PLA2G6: variants seen among roughly 807,000 people sequenced by gnomAD.
PLA2G6 encodes the protein phospholipase A2 group VI.
Under a neutral mutation model 83.8 loss-of-function variants are expected in PLA2G6, and 62 were observed. That is an observed-to-expected ratio of 0.74 (90% CI 0.60 to 0.91). The LOEUF (loss-of-function observed/expected upper bound fraction) is 0.91. PLA2G6 is among the 40% of genes least tolerant of loss of function. The probability of loss-of-function intolerance (pLI) is 0.00; values close to 1 mark genes in which losing one functional copy is unlikely to be tolerated. For missense variants in PLA2G6, 944 were observed against 1,102.0 expected, an observed-to-expected ratio of 0.86 and a Z score of 2.03; for synonymous variants, 417 against 449.8, an observed-to-expected ratio of 0.93 and a Z score of 0.92.
chr22:38,124,773 G>A (rs1027527134), intron 10 of PLA2G6, among the ~76,000 whole-genome samples: 9 of 152,216 alleles, frequency 5.9e-5, no homozygotes, highest in African/African-American at 1.9e-4. Context: ...AATGGAGGAG[G>A]CCCGGGTCCC....
chr22:38,113,355 C>T (rs925913003), intron 15 of PLA2G6, 132 bp downstream of exon 15: 3 of 886,730 alleles, frequency 3.4e-6, no homozygotes, highest in South Asian at 2.8e-5. Context: ...TCTCTCCCTC[C>T]AGCTGGCTAA....
chr22:38,113,513 C>T lies in PLA2G6; in HGVS notation c.2176G>A (p.Glu726Lys). ...CAGTCCACCACCATCTTGCCCAGTT[C>T]CTTGGCCCCAAAAACAGTCTTGGCC... is the stretch of plus-strand genomic sequence containing the variant. ...ELAKTVFGAK[E>K]LGKMVVDCCT... The change falls in exon 15 of 17, where the codon GAA becomes AAA. Residue 726 changes from glutamate to lysine, a missense_variant. Glu to Lys is a moderately conservative substitution (Grantham distance 56). Transcript: ENST00000332509. 1 of 1,614,072 alleles carries T rather than the reference C, an allele frequency of 6.2e-7. No individual in the cohort carries two copies. Among genetic ancestry groups the T allele is most frequent in the Non-Finnish European group, 8.5e-7 (1 of 1,180,022 alleles).
At chr22:38,145,750 C>T in intron 2 of PLA2G6, 97 bp from the exon 3 acceptor site, 1 of 751,186 alleles carries the variant, frequency 1.3e-6, no homozygotes. Flanking sequence ...AGGCTGCGGC[C>T]TGGCCAGCTC....
intron 12 of PLA2G6, among the ~76,000 whole-genome samples, chr22:38,118,759 T>G (rs532132132): frequency 5.9e-5 from 9 of 151,828 alleles, no homozygotes; most frequent in Non-Finnish European, 8.8e-5. Context: ...TTTTGTTTTT[T>G]TTTTTTTGTC....
At chr22:38,177,603 C>G (rs1004897518) in intron 1 of PLA2G6, among the ~76,000 whole-genome samples, 4 of 151,882 alleles carry the variant, frequency 2.6e-5, no homozygotes, top group African/African-American at 9.7e-5. Flanking sequence ...GCTGGGATTA[C>G]AGGCGCGCAC....
chr22:38,125,188 G>A (rs754092113), intron 10 of PLA2G6, among the ~76,000 whole-genome samples: 1 of 151,946 alleles, frequency 6.6e-6, no homozygotes, highest in East Asian at 1.9e-4. Context: ...GTATGTGTGC[G>A]CATGTGTATG....
intron 12 of PLA2G6, among the ~76,000 whole-genome samples, chr22:38,117,494 C>T (rs1295625263): frequency 6.6e-6 from 1 of 151,954 alleles, no homozygotes; most frequent in Non-Finnish European, 1.5e-5. Flanking sequence ...TGCGCCTGGC[C>T]AAAAATCTTA....
At chr22:38,171,103 C>T (rs187010243) in intron 1 of PLA2G6, among the ~76,000 whole-genome samples, 1 of 145,564 alleles carries the variant, frequency 6.9e-6, no homozygotes, top group Non-Finnish European at 1.5e-5. Context: ...ACCTGGGAGG[C>T]GGAGGTTGCG....
At chr22:38,114,143 G>C (rs2087044586) in intron 14 of PLA2G6, among the ~76,000 whole-genome samples, 1 of 151,934 alleles carries the variant, frequency 6.6e-6, no homozygotes, top group African/African-American at 2.4e-5. Context: ...TGGTAGGGAA[G>C]TAGGGGCTAA....
intron 11 of PLA2G6, chr22:38,121,166 TC>T (rs1485450604): frequency 4.7e-6 from 2 of 429,740 alleles, no homozygotes; most frequent in Non-Finnish European, 8.7e-6. Flanking sequence ...TCACTTGAGG[TC>T]AGGAGTTTGA....
intron 12 of PLA2G6, 66 bp from the exon 13 acceptor site, chr22:38,116,277 A>C: frequency 1.3e-6 from 2 of 1,568,970 alleles, no homozygotes; most frequent in Non-Finnish European, 1.8e-6. Context: ...TTTCCCCACA[A>C]TTCACACCCC....
chr22:38,170,274 C>T (rs1310739987), intron 1 of PLA2G6, among the ~76,000 whole-genome samples: 1 of 151,792 alleles, frequency 6.6e-6, no homozygotes, highest in African/African-American at 2.4e-5. Context: ...CTCCTAGATA[C>T]CAAAAGGTGA....
chr22:38,176,365 C>T (rs1008842503), intron 1 of PLA2G6, among the ~76,000 whole-genome samples: 1 of 152,210 alleles, frequency 6.6e-6, no homozygotes, highest in African/African-American at 2.4e-5. Flanking sequence ...GCAGACCTCA[C>T]AGGCTTGGCC....
chr22:38,168,592 G>A (rs563593122), intron 2 of PLA2G6, among the ~76,000 whole-genome samples: 1 of 152,170 alleles, frequency 6.6e-6, no homozygotes, highest in African/African-American at 2.4e-5. Flanking sequence ...GCTCACGCCT[G>A]CAATCCCAGC....
intron 9 of PLA2G6, 65 bp from the exon 10 acceptor site, chr22:38,126,514 T>A: frequency 8.0e-7 from 1 of 1,243,034 alleles, no homozygotes; most frequent in Admixed American, 1.7e-5. Context: ...ACCCCAGAGG[T>A]CCCTAGATCA....
At chr22:38,140,640 T>A (rs11570658) in intron 4 of PLA2G6, 3,315 of 196,120 alleles carry the variant, frequency 0.017, 122 homozygotes, top group African/African-American at 0.074. Context: ...GGTAGCTGTA[T>A]CTCAGGATGG....
intron 1 of PLA2G6, among the ~76,000 whole-genome samples, chr22:38,174,323 G>A (rs577636751): frequency 3.9e-5 from 6 of 152,124 alleles, no homozygotes; most frequent in African/African-American, 7.2e-5. Flanking sequence ...GCGTGAACCC[G>A]GGAGGCGGAG....
intron 9 of PLA2G6, among the ~76,000 whole-genome samples, chr22:38,127,668 C>T (rs1265553466): frequency 1.3e-5 from 2 of 152,128 alleles, no homozygotes; most frequent in Non-Finnish European, 2.9e-5. Flanking sequence ...CAGGGGACCC[C>T]GCTCCCAAAC....
chr22:38,139,699 T>C, intron 5 of PLA2G6: 2 of 362,154 alleles, frequency 5.5e-6, no homozygotes, highest in East Asian at 5.8e-5. Flanking sequence ...CCTCCCAAAG[T>C]GTTGGGATTA....
Sources: gnomAD v4.1 joint callset for allele counts (sites outside exome capture counted in the v4.1 genomes callset) on GRCh38, gnomAD v4.1.1 for gene constraint, MANE v1.5 for transcripts, NCBI Gene and HGNC (gene_info 2026-07-23, HGNC 2026-07-21) for gene names.